SDC3: variants seen among roughly 807,000 people sequenced by gnomAD.
SDC3 encodes the protein syndecan 3.
A neutral mutation model predicts 24.4 loss-of-function variants in SDC3; 13 were observed. The observed-to-expected ratio is 0.53, with a 90% confidence interval of 0.35 to 0.85. The LOEUF is 0.85. Among genes scored for constraint, SDC3 ranks in the 40% least tolerant of loss-of-function variants. The probability of loss-of-function intolerance (pLI) is 0.01; values close to 1 mark genes in which losing one functional copy is unlikely to be tolerated. For missense variants in SDC3, 571 were observed against 584.5 expected, an observed-to-expected ratio of 0.98 and a Z score of 0.24; for synonymous variants, 295 against 260.9, an observed-to-expected ratio of 1.13 and a Z score of -1.26.
At chr1:30,891,659 C>T (rs182269513) in intron 1 of SDC3, among the ~76,000 whole-genome samples, 58 of 152,022 alleles carry the variant, frequency 3.8e-4, no homozygotes, top group African/African-American at 1.4e-3. Flanking sequence ...GGGTGGATCA[C>T]GAGATCAGGA....
intron 1 of SDC3, 85 bp downstream of exon 1, chr1:30,908,364 G>T (rs1638573326): frequency 5.1e-6 from 4 of 785,024 alleles, no homozygotes; most frequent in Non-Finnish European, 3.1e-6. Context: ...GGGTCCCGGA[G>T]GGGGGGTCGC....
intron 3 of SDC3, 119 bp from the exon 4 acceptor site, chr1:30,874,707 A>G: frequency 2.2e-6 from 2 of 906,076 alleles, no homozygotes; most frequent in Non-Finnish European, 3.4e-6. Flanking sequence ...GCACTGTGCT[A>G]CACACTATCC....
chr1:30,875,151 C>T (rs1010728422), intron 3 of SDC3, among the ~76,000 whole-genome samples: 3 of 152,164 alleles, frequency 2.0e-5, no homozygotes, highest in African/African-American at 4.8e-5. Flanking sequence ...TCCCACCACT[C>T]GGAGGCAGGA....
intron 1 of SDC3, among the ~76,000 whole-genome samples, chr1:30,891,638 G>T (rs764533257): frequency 6.6e-5 from 10 of 152,090 alleles, no homozygotes; most frequent in Non-Finnish European, 1.0e-4. Flanking sequence ...AGAATTTTGG[G>T]AGGCTGAGGC....
At chr1:30,886,222 G>A (rs1639825494) in intron 1 of SDC3, among the ~76,000 whole-genome samples, 1 of 151,998 alleles carries the variant, frequency 6.6e-6, no homozygotes, top group African/African-American at 2.4e-5. Context: ...TCTCTGCCTG[G>A]CCAGCACCTA....
At chr1:30,897,868 G>T (rs1034883794) in intron 1 of SDC3, among the ~76,000 whole-genome samples, 1 of 152,178 alleles carries the variant, frequency 6.6e-6, no homozygotes, top group Non-Finnish European at 1.5e-5. Context: ...ACATTTGGCC[G>T]AGTGTTTTGC....
In SDC3 at chr1:30,869,607, C is replaced by T. The variant is rs373164994; in HGVS notation, c.*3604G>A. On this transcript the variant is annotated 3_prime_UTR_variant, in exon 5 of 5. Coordinates refer to ENST00000339394, the MANE Select transcript of SDC3 (RefSeq NM_014654.4). ...TCACAAGGCTGGAACAGGAGAGTACCCGCAGTGGGGCAGGCGCCTTGGTCT... is the reference window on the plus strand; with the variant it reads ...TCACAAGGCTGGAACAGGAGAGTACTCGCAGTGGGGCAGGCGCCTTGGTCT... 1 of 398,132 alleles carries T rather than the reference C, an allele frequency of 2.5e-6. No individual in the cohort carries two copies. Among genetic ancestry groups the T allele is most frequent in the Non-Finnish European group, 4.4e-6 (1 of 226,022 alleles). 24.7% of individuals were successfully genotyped at this position (398,132 alleles called of 1,614,324 possible).
chr1:30,890,664 T>C (rs1231147005), intron 1 of SDC3, among the ~76,000 whole-genome samples: 2 of 152,184 alleles, frequency 1.3e-5, no homozygotes, highest in African/African-American at 2.4e-5. Context: ...AAAGCTGTTG[T>C]TTCAAAAATA....
chr1:30,875,580 C>G (rs150510986), intron 3 of SDC3, among the ~76,000 whole-genome samples: 12 of 152,352 alleles, frequency 7.9e-5, no homozygotes, highest in South Asian at 2.1e-4. Context: ...GTTCCCACCT[C>G]TCCATCTTAC....
chr1:30,884,768 G>T (rs1639804154), intron 1 of SDC3, among the ~76,000 whole-genome samples: 2 of 152,120 alleles, frequency 1.3e-5, no homozygotes, highest in Non-Finnish European at 2.9e-5. Context: ...TGACACTCTG[G>T]ACTCCCAAGA....
At chr1:30,874,157 T>C (rs1639589224) in intron 4 of SDC3, 140 bp downstream of exon 4, 3 of 679,560 alleles carry the variant, frequency 4.4e-6, no homozygotes, top group Non-Finnish European at 7.3e-6. Flanking sequence ...GGTTGAGTTC[T>C]CAAGTTTCCT....
At chr1:30,883,925 C>A (rs1639782478) in intron 1 of SDC3, among the ~76,000 whole-genome samples, 1 of 152,206 alleles carries the variant, frequency 6.6e-6, no homozygotes, top group Admixed American at 6.5e-5. Flanking sequence ...AAAAAGCCCT[C>A]AGTCCTGTGA....
chr1:30,889,194 G>A (rs1277227111), intron 1 of SDC3, among the ~76,000 whole-genome samples: 10 of 152,238 alleles, frequency 6.6e-5, no homozygotes, highest in Non-Finnish European at 1.2e-4. Context: ...AATGGGTATA[G>A]TAATAGGACT....
chr1:30,898,632 G>C (rs1361087250), intron 1 of SDC3, among the ~76,000 whole-genome samples: 1 of 152,178 alleles, frequency 6.6e-6, no homozygotes, highest in Non-Finnish European at 1.5e-5. Flanking sequence ...TGGCCCAAGA[G>C]GAACCAGAGA....
At chr1:30,888,873 A>G (rs1382861238) in intron 1 of SDC3, among the ~76,000 whole-genome samples, 1 of 152,230 alleles carries the variant, frequency 6.6e-6, no homozygotes, top group African/African-American at 2.4e-5. Flanking sequence ...TGAGGCACAG[A>G]GCAAGGCATC....
At chr1:30,891,391 T>C (rs1259119128) in intron 1 of SDC3, among the ~76,000 whole-genome samples, 1 of 152,186 alleles carries the variant, frequency 6.6e-6, no homozygotes, top group Non-Finnish European at 1.5e-5. Flanking sequence ...TCCACTCTAC[T>C]CTCTGGCAGA....
intron 1 of SDC3, among the ~76,000 whole-genome samples, chr1:30,898,922 A>G (rs544241039): frequency 6.6e-6 from 1 of 152,342 alleles, no homozygotes; most frequent in East Asian, 1.9e-4. Flanking sequence ...TGGGGAATGT[A>G]TAATAATTAA....
chr1:30,892,617 G>A (rs759298670), intron 1 of SDC3, among the ~76,000 whole-genome samples: 12 of 152,324 alleles, frequency 7.9e-5, no homozygotes, highest in African/African-American at 1.7e-4. Context: ...AACCCAGGAC[G>A]AGGATGGGTA....
At chr1:30,876,182 G>A (rs765532617) in intron 3 of SDC3, among the ~76,000 whole-genome samples, 4 of 152,156 alleles carry the variant, frequency 2.6e-5, no homozygotes, top group Non-Finnish European at 4.4e-5. Context: ...GAAATGATCA[G>A]GGACTGGCCT....
Sources: allele counts gnomAD v4.1 joint callset (sites outside exome capture counted in the v4.1 genomes callset), GRCh38; gene constraint gnomAD v4.1.1; transcripts MANE v1.5; gene names NCBI Gene and HGNC (gene_info 2026-07-23, HGNC 2026-07-21).